ITGA1: variants seen among roughly 807,000 people sequenced by gnomAD.
The protein encoded by ITGA1 is integrin subunit alpha 1, also known as integrin alpha-1.
A neutral mutation model predicts 145.9 loss-of-function variants in ITGA1; 85 were observed. The observed-to-expected ratio is 0.58, with a 90% CI of 0.49 to 0.70. ITGA1 has a LOEUF of 0.70. Ranked by LOEUF, ITGA1 falls within the 30% of genes least tolerant of loss-of-function variation. The pLI is 0.00. For synonymous variants in ITGA1, 520 were observed against 495.3 expected, an observed-to-expected ratio of 1.05 and a Z score of -0.66; for missense variants, 1,351 against 1,418.7, an observed-to-expected ratio of 0.95 and a Z score of 0.77.
chr5:52,898,239 G>A lies in ITGA1; in HGVS notation c.1165G>A (p.Asp389Asn). ...ATTATCTTATTTATTTGCATGTAAG[G>A]ACTGGGTCATGCTTGGAGCAGTAGG... Reference protein sequence around the residue: ...QTGFSAHYSQDWVMLGAVGAY... With the variant: ...QTGFSAHYSQNWVMLGAVGAY... The change falls in exon 11 of 29, where the codon GAC becomes AAC. Residue 389 changes from aspartate (D) to asparagine (N), a missense_variant and splice_region_variant. Coordinates refer to ENST00000282588, the MANE Select transcript of ITGA1 (RefSeq NM_181501.2). 6.5e-7 allele frequency: 1 copy of A among 1,547,862 alleles called. No individual in the cohort carries two copies. The highest frequency in any genetic ancestry group is 8.7e-7 in the Non-Finnish European group (1 of 1,148,332).
rs770838856 is a variant in ITGA1 at position 52,932,078 on chromosome 5, G to A, written c.2803G>A (p.Asp935Asn). The A allele has an allele frequency of 1.9e-6, 3 of 1,610,576 alleles. No homozygotes were observed. Among genetic ancestry groups the A allele is most frequent in the Non-Finnish European group, 2.5e-6 (3 of 1,177,156 alleles). ...DSEEPPETLS[D>N]NVVNISIPVK... ...CGAAGAACCTCCTGAAACCCTTTCT[G>A]ATAATGTAGTAAACATTTCTATCCC... is the stretch of plus-strand genomic sequence containing the variant. The change falls in exon 22 of 29, where the codon GAT becomes AAT. Residue 935 changes from aspartate to asparagine, a missense_variant. Asp to Asn is a conservative substitution (Grantham distance 23, BLOSUM62 1). Coordinates refer to ENST00000282588, the MANE Select transcript of ITGA1 (RefSeq NM_181501.2).
At chr5:52,922,433 A>C (rs1260078938) in intron 17 of ITGA1, among the ~76,000 whole-genome samples, 1 of 152,204 alleles carries the variant, frequency 6.6e-6, no homozygotes, top group African/African-American at 2.4e-5. Context: ...GTGTTACATA[A>C]TGATCTTTGG....
At chr5:52,831,295 G>A (rs182439364) in intron 1 of ITGA1, among the ~76,000 whole-genome samples, 5 of 151,896 alleles carry the variant, frequency 3.3e-5, no homozygotes, top group African/African-American at 4.8e-5. Context: ...ACCACACCTC[G>A]GCTAATTTTT....
rs867385622 is a variant in ITGA1 at position 52,925,300 on chromosome 5, G to A, written c.2426G>A (p.Gly809Glu). Residue 809 changes from glycine (G) to glutamate (E), a missense_variant, in exon 19 of 29, where the codon GGA (glycine) becomes GAA (glutamate). Gly to Glu is a moderately conservative substitution (Grantham distance 98, BLOSUM62 -2). Transcript: ENST00000282588. ...HEYIPFAKDC[G>E]NKEKCISDLS... Reference sequence around the variant, plus strand: ...CAGATTCCCTTTGCCAAAGATTGTGGAAATAAGGAAAAATGTATCTCAGAC... The same window carrying A: ...CAGATTCCCTTTGCCAAAGATTGTGAAAATAAGGAAAAATGTATCTCAGAC... 4 of 1,613,954 alleles carry A rather than the reference G, an allele frequency of 2.5e-6. No homozygotes were observed.
At chr5:52,912,754 A>T (rs867281708) in intron 14 of ITGA1, among the ~76,000 whole-genome samples, 2,787 of 139,304 alleles carry the variant, frequency 0.02, 56 homozygotes, top group Admixed American at 0.053. Context: ...ATATATATAT[A>T]TTTTTTTTTT....
chr5:52,827,834 A>G, intron 1 of ITGA1, among the ~76,000 whole-genome samples: 1 of 152,222 alleles, frequency 6.6e-6, no homozygotes, highest in East Asian at 1.9e-4. Context: ...GTTTTTGTAG[A>G]AATAATGCTT....
chr5:52,926,049 T>C (rs1750800386), intron 19 of ITGA1, among the ~76,000 whole-genome samples: 1 of 152,194 alleles, frequency 6.6e-6, no homozygotes, highest in South Asian at 2.1e-4. Context: ...AACTTTGCTC[T>C]TAATTCTGAT....
chr5:52,881,230 G>C (rs1435121004), intron 6 of ITGA1, among the ~76,000 whole-genome samples: 3 of 152,184 alleles, frequency 2.0e-5, no homozygotes, highest in African/African-American at 7.2e-5. Context: ...TATTCCTCCA[G>C]CTTCATGGTG....
At position 52,954,441 on chromosome 5, in the gene ITGA1, A is replaced by G. The variant is rs890937358; in HGVS notation, c.*1990A>G. The G allele has an allele frequency of 2.7e-4, 41 of 152,360 alleles. No individual in the cohort carries two copies. Among genetic ancestry groups the G allele is most frequent in the Admixed American group, 2.0e-4 (3 of 15,302 alleles). The allele number at this position is 152,360 out of a possible 1,614,324, so 9.4% of individuals were successfully genotyped here. ...TAAACTAAATTGTTAACTGAAAGGG[A>G]AAAAATAGAAATGAGGGCATTTTGA... On this transcript the variant is annotated 3_prime_UTR_variant, in exon 29 of 29. Transcript: ENST00000282588.
chr5:52,952,557 A>T lies in ITGA1; in HGVS notation c.*106A>T. On this transcript the variant is annotated 3_prime_UTR_variant, in exon 29 of 29. Coordinates refer to ENST00000282588, the MANE Select transcript of ITGA1 (RefSeq NM_181501.2). ...TAATTCATGACATAGTCATGTAACT[A>T]TGTAATCCATCAGGGATTCATTACT... The T allele has an allele frequency of 2.1e-6, 1 of 469,880 alleles. No homozygotes were observed. The highest frequency in any genetic ancestry group is 3.8e-5 in the East Asian group (1 of 26,642). The allele number at this position is 469,880 out of a possible 1,614,324, so 29.1% of individuals were successfully genotyped here. A position where few individuals can be genotyped will look rare whatever the true frequency, so the allele number is the denominator to read the frequency against.
Position 52,788,363 on chromosome 5 carries a change from C to T in ITGA1, c.10C>T (p.Arg4Trp). MAPRPRARPGVAVA... is the reference protein window; with the variant it reads MAPWPRARPGVAVA... Reference sequence around the variant, plus strand: ...TGAGGCTGCTCCGGCCATGGCCCCTCGGCCCCGCGCCCGCCCAGGGGTCGC... The same window carrying T: ...TGAGGCTGCTCCGGCCATGGCCCCTTGGCCCCGCGCCCGCCCAGGGGTCGC... The change falls in exon 1 of 29, where the codon CGG (arginine) becomes TGG (tryptophan). Residue 4 changes from arginine (R) to tryptophan (W), a missense_variant. By Grantham distance (101) the Arg-to-Trp change is moderately radical. Transcript: ENST00000282588. 6.6e-7 allele frequency: 1 copy of T among 1,510,882 alleles called. No individual in the cohort carries two copies. Among genetic ancestry groups the T allele is most frequent in the South Asian group, 1.2e-5 (1 of 81,352 alleles). 93.6% of individuals were successfully genotyped at this position (1,510,882 alleles called of 1,614,324 possible).
intron 1 of ITGA1, among the ~76,000 whole-genome samples, chr5:52,818,748 C>A (rs557553059): frequency 6.6e-6 from 1 of 152,290 alleles, no homozygotes; most frequent in East Asian, 1.9e-4. Context: ...AAGCATCCAG[C>A]ACCAACACAT....
chr5:52,803,259 G>T (rs1157137), intron 1 of ITGA1: 138,015 of 152,234 alleles, frequency 0.91, 62,633 homozygotes, highest in Middle Eastern at 0.93. Context: ...ACTCACATAT[G>T]TATATTTTTG....
intron 7 of ITGA1, among the ~76,000 whole-genome samples, chr5:52,885,680 T>C (rs1750034998): frequency 6.6e-6 from 1 of 152,234 alleles, no homozygotes; most frequent in Non-Finnish European, 1.5e-5. Flanking sequence ...AGATCCATTT[T>C]AGCAGTGTGA....
At chr5:52,852,463 A>G (rs932657610) in intron 2 of ITGA1, among the ~76,000 whole-genome samples, 5 of 152,200 alleles carry the variant, frequency 3.3e-5, no homozygotes, top group Admixed American at 2.6e-4. Flanking sequence ...AGACAAATCA[A>G]GATGAATCAG....
At chr5:52,922,194 G>T (rs569805908) in intron 17 of ITGA1, among the ~76,000 whole-genome samples, 2 of 116,192 alleles carry the variant, frequency 1.7e-5, no homozygotes, top group African/African-American at 5.5e-5. Flanking sequence ...CCAGCTAGTC[G>T]GGAGGCTGAG....
intron 11 of ITGA1, among the ~76,000 whole-genome samples, chr5:52,899,693 T>G (rs916108539): frequency 6.6e-6 from 1 of 152,136 alleles, no homozygotes; most frequent in Admixed American, 6.6e-5. Flanking sequence ...TTAAAGAAAT[T>G]GAAGGTTAGA....
intron 24 of ITGA1, among the ~76,000 whole-genome samples, chr5:52,938,201 T>C (rs536469900): frequency 6.6e-6 from 1 of 152,328 alleles, no homozygotes; most frequent in East Asian, 1.9e-4. Flanking sequence ...ATCAAACAAC[T>C]CTATAAAGTG....
In ITGA1 at chr5:52,889,120, A is replaced by T. The variant is rs548048424; in HGVS notation, c.924+1155A>T. On this transcript the variant is annotated intron_variant, in intron 8 of 28. Transcript: ENST00000282588. ...TAAACTACTATCCATTTTTTTTTTT[A>T]AATGGAGTCTCGCTCTGTCACCCAG... Among the ~76,000 whole-genome samples the T allele has an allele frequency of 4.2e-3, 559 of 133,624 alleles. 4 individuals carry two copies. Among genetic ancestry groups the T allele is most frequent in the African/African-American group, 0.014 (526 of 37,566 alleles). 87.7% of individuals were successfully genotyped at this position (133,624 alleles called of 152,430 possible).
Sources: gnomAD v4.1 joint callset for allele counts (sites outside exome capture counted in the v4.1 genomes callset) on GRCh38, gnomAD v4.1.1 for gene constraint, MANE v1.5 for transcripts, NCBI Gene and HGNC (gene_info 2026-07-23, HGNC 2026-07-21) for gene names.